The following CLDN12 variants were observed in gnomAD, a reference collection of about 807,000 sequenced individuals.
CLDN12 encodes the protein claudin 12.
CLDN12 carries 9 observed loss-of-function variants against 15.5 expected under a neutral mutation model. The observed-to-expected ratio is 0.58, with a 90% CI of 0.35 to 1.02. The LOEUF (loss-of-function observed/expected upper bound fraction) is 1.02, where lower values mean the gene tolerates loss of function less well. Ranked by LOEUF, CLDN12 falls within the 50% of genes least tolerant of loss-of-function variation. CLDN12 has a pLI of 0.02. For synonymous variants in CLDN12, 140 were observed against 121.6 expected, an observed-to-expected ratio of 1.15 and a Z score of -1.00; for missense variants, 233 against 297.3, an observed-to-expected ratio of 0.78 and a Z score of 1.59.
rs148668482 is a variant in CLDN12 at position 90,413,270 on chromosome 7, A to T, written c.594A>T (p.Thr198=). ...TTATACTATTTATTTGGTATTGTACATGCAAATCTTTGCCTTCTCCTTTCT... is the reference window on the plus strand; with the variant it reads ...TTATACTATTTATTTGGTATTGTACTTGCAAATCTTTGCCTTCTCCTTTCT... ...TSLILFIWYC[T]CKSLPSPFWQ... Residue 198 remains threonine, a synonymous_variant, in exon 4 of 4, where the codon ACA becomes ACT. Coordinates refer to ENST00000496677, the MANE Select transcript of CLDN12 (RefSeq NM_001185072.3). 1.7e-5 allele frequency: 28 copies of T among 1,614,026 alleles called. No individual in the cohort carries two copies. The African/African-American group carries it at 1.9e-4, about 11-fold the overall frequency.
rs1403567804 is a variant in CLDN12, at chr7:90,415,147, A to G, written c.*1736A>G. On this transcript the variant is annotated 3_prime_UTR_variant, in exon 4 of 4. Transcript: ENST00000496677. ...GTTTATATATATAGCGAATAAATCT[A>G]GTTGTATAAATTTTTAAATGCCGTC... The G allele has an allele frequency of 6.0e-6, 1 of 165,606 alleles. No homozygotes were observed. Among genetic ancestry groups the G allele is most frequent in the Non-Finnish European group, 1.5e-5 (1 of 68,084 alleles). 10.3% of individuals were successfully genotyped at this position (165,606 alleles called of 1,614,324 possible).
chr7:90,412,784 A>G lies in CLDN12; in HGVS notation c.108A>G (p.Leu36=), dbSNP rs1796992608. 6.2e-7 allele frequency: 1 copy of G among 1,614,186 alleles called. No homozygotes were observed. Among genetic ancestry groups the G allele is most frequent in the Non-Finnish European group, 8.5e-7 (1 of 1,180,036 alleles). ...AGTLLPNWRK[L]RLITFNRNEK... ...CTCTGCTTCCCAACTGGAGAAAATT[A>G]CGATTGATCACATTCAACAGAAACG... is the stretch of plus-strand genomic sequence containing the variant. Residue 36 remains leucine, a synonymous_variant, in exon 4 of 4, where the codon TTA becomes TTG. Coordinates refer to ENST00000496677, the MANE Select transcript of CLDN12 (RefSeq NM_001185072.3).
Position 90,403,482 on chromosome 7 carries a change from C to G in CLDN12, c.-234C>G, listed in dbSNP as rs1385384287. On this transcript the variant is annotated 5_prime_UTR_variant, in exon 1 of 4. Transcript: ENST00000496677. ...CGCTGGGAACGCACTTCCTGGGACGCTGAGAGGGAGACGCTCCAAGAGGCT... is the reference window on the plus strand; with the variant it reads ...CGCTGGGAACGCACTTCCTGGGACGGTGAGAGGGAGACGCTCCAAGAGGCT... The G allele has an allele frequency of 6.6e-6, 1 of 152,146 alleles. No individual in the cohort carries two copies. Among genetic ancestry groups the G allele is most frequent in the African/African-American group, 2.4e-5 (1 of 41,412 alleles). The allele number at this position is 152,146 out of a possible 1,614,324, so 9.4% of individuals were successfully genotyped here. A position where few individuals can be genotyped will look rare whatever the true frequency, so the allele number is the denominator to read the frequency against.
intron 1 of CLDN12, among the ~76,000 whole-genome samples, chr7:90,404,081 G>C (rs1170350168): frequency 6.6e-6 from 1 of 151,978 alleles, no homozygotes; most frequent in Non-Finnish European, 1.5e-5. Context: ...TGGAAGCTTG[G>C]TTTGCTTTCC....
Position 90,415,388 on chromosome 7 carries a change from C to G in CLDN12, c.*1977C>G, listed in dbSNP as rs1437404656. 1 of 166,902 alleles carries G rather than the reference C, an allele frequency of 6.0e-6. No homozygotes were observed. Among genetic ancestry groups the G allele is most frequent in the Non-Finnish European group, 1.5e-5 (1 of 68,100 alleles). The allele number at this position is 166,902 out of a possible 1,614,324, so 10.3% of individuals were successfully genotyped here. A position where few individuals can be genotyped will look rare whatever the true frequency, so the allele number is the denominator to read the frequency against. On this transcript the variant is annotated 3_prime_UTR_variant, in exon 4 of 4. Transcript: ENST00000496677. ...AGAAGGATCAAGAATTCTACCATCCCTTGGGTCTTTGTGTATAAACAATGT... is the reference window on the plus strand; with the variant it reads ...AGAAGGATCAAGAATTCTACCATCCGTTGGGTCTTTGTGTATAAACAATGT...
In CLDN12 at chr7:90,403,496, C is replaced by T. The variant is rs1168508452; in HGVS notation, c.-220C>T. The T allele has an allele frequency of 1.3e-5, 2 of 152,192 alleles. No homozygotes were observed. The highest frequency in any genetic ancestry group is 2.4e-5 in the African/African-American group (1 of 41,450). 9.4% of individuals were successfully genotyped at this position (152,192 alleles called of 1,614,324 possible). A position where few individuals can be genotyped will look rare whatever the true frequency, so the allele number is the denominator to read the frequency against. On this transcript the variant is annotated 5_prime_UTR_variant, in exon 1 of 4. Transcript: ENST00000496677. The stretch of plus-strand genomic sequence containing the variant: ...TTCCTGGGACGCTGAGAGGGAGACG[C>T]TCCAAGAGGCTCCTCAGTGTGGGCG...
chr7:90,410,387 A>G (rs994296655), intron 2 of CLDN12, among the ~76,000 whole-genome samples: 1 of 152,212 alleles, frequency 6.6e-6, no homozygotes, highest in Admixed American at 6.5e-5. Flanking sequence ...CTAATGGAAA[A>G]ACTTAGAACT....
At chr7:90,405,667 C>T (rs1299444977) in intron 2 of CLDN12, 59 bp downstream of exon 2, 1 of 152,184 alleles carries the variant, frequency 6.6e-6, no homozygotes, top group African/African-American at 2.4e-5. Flanking sequence ...CATCTGCCAA[C>T]AATGACTCTT....
At position 90,412,806 on chromosome 7, in the gene CLDN12, A is replaced by C; in HGVS notation, c.130A>C (p.Asn44His). The change falls in exon 4 of 4, where the codon AAC becomes CAC. Residue 44 changes from asparagine to histidine, a missense_variant. By Grantham distance (68) the Asn-to-His change is moderately conservative (BLOSUM62 1). Coordinates refer to ENST00000496677, the MANE Select transcript of CLDN12 (RefSeq NM_001185072.3). ...RKLRLITFNR[N>H]EKNLTVYTGL... is the part of the protein sequence containing the mutation. ...ATTACGATTGATCACATTCAACAGAAACGAGAAGAACCTGACTGTTTACAC... is the reference window on the plus strand; with the variant it reads ...ATTACGATTGATCACATTCAACAGACACGAGAAGAACCTGACTGTTTACAC... The C allele has an allele frequency of 6.2e-7, 1 of 1,614,242 alleles. No individual in the cohort carries two copies. Among genetic ancestry groups the C allele is most frequent in the South Asian group, 1.1e-5 (1 of 91,084 alleles).
At chr7:90,405,089 ATCTC>A (rs1562967356) in intron 1 of CLDN12, among the ~76,000 whole-genome samples, 1 of 151,836 alleles carries the variant, frequency 6.6e-6, no homozygotes, top group East Asian at 1.9e-4. Context: ...TTGAGCCAGA[ATCTC>A]TCTCTGTCAC....
At chr7:90,411,430 A>G (rs567467520) in intron 2 of CLDN12, among the ~76,000 whole-genome samples, 4 of 152,252 alleles carry the variant, frequency 2.6e-5, no homozygotes, top group Non-Finnish European at 5.9e-5. Context: ...CAAGCTTTTT[A>G]TAGTTTGCCA....
chr7:90,414,050 A>G lies in CLDN12; in HGVS notation c.*639A>G. 1 of 984,232 alleles carries G rather than the reference A, an allele frequency of 1.0e-6. No homozygotes were observed. The highest frequency in any genetic ancestry group is 5.3e-4 in the Middle Eastern group (1 of 1,890). The allele number at this position is 984,232 out of a possible 1,614,324, so 61.0% of individuals were successfully genotyped here. A position where few individuals can be genotyped will look rare whatever the true frequency, so the allele number is the denominator to read the frequency against. Reference sequence around the variant, plus strand: ...TAAATATCACCTACTTATGAATAACATGTAATAATTTTTAACATTAATGAT... The same window carrying G: ...TAAATATCACCTACTTATGAATAACGTGTAATAATTTTTAACATTAATGAT... On this transcript the variant is annotated 3_prime_UTR_variant, in exon 4 of 4. Coordinates refer to ENST00000496677, the MANE Select transcript of CLDN12 (RefSeq NM_001185072.3).
chr7:90,413,081 G>A lies in CLDN12; in HGVS notation c.405G>A (p.Val135=). ...CLVNSAGCHL[V]AGLLFFLAGT... Reference sequence around the variant, plus strand: ...TCAATAGTGCAGGTTGCCACCTGGTGGCTGGGCTGCTATTTTTCCTGGCAG... The same window carrying A: ...TCAATAGTGCAGGTTGCCACCTGGTAGCTGGGCTGCTATTTTTCCTGGCAG... Residue 135 remains valine (V), a synonymous_variant, in exon 4 of 4, where the codon GTG becomes GTA. Coordinates refer to ENST00000496677, the MANE Select transcript of CLDN12 (RefSeq NM_001185072.3). The A allele has an allele frequency of 1.2e-6, 2 of 1,614,208 alleles. No individual in the cohort carries two copies. The highest frequency in any genetic ancestry group is 1.7e-6 in the Non-Finnish European group (2 of 1,180,042).
chr7:90,414,267 G>A lies in CLDN12; in HGVS notation c.*856G>A, dbSNP rs974400768. The A allele has an allele frequency of 1.0e-6, 1 of 1,000,064 alleles. No individual in the cohort carries two copies. The highest frequency in any genetic ancestry group is 1.2e-6 in the Non-Finnish European group (1 of 829,994). 61.9% of individuals were successfully genotyped at this position (1,000,064 alleles called of 1,614,324 possible). ...TCTCTTTCAGACATAATTTAGTAGG[G>A]GACAAGAAGTCTGTTCTTCAGTGAG... is the stretch of plus-strand genomic sequence containing the variant. On this transcript the variant is annotated 3_prime_UTR_variant, in exon 4 of 4. Coordinates refer to ENST00000496677, the MANE Select transcript of CLDN12 (RefSeq NM_001185072.3).
chr7:90,408,300 C>T (rs761510615), intron 2 of CLDN12, among the ~76,000 whole-genome samples: 7 of 152,086 alleles, frequency 4.6e-5, no homozygotes, highest in African/African-American at 7.2e-5. Context: ...CCCAAGAGTT[C>T]AAGACCAGCC....
chr7:90,406,305 C>T (rs560607760), intron 2 of CLDN12, among the ~76,000 whole-genome samples: 6 of 152,064 alleles, frequency 3.9e-5, no homozygotes, highest in East Asian at 1.9e-4. Flanking sequence ...TATTTTTATT[C>T]GTAATTATGT....
At position 90,414,125 on chromosome 7, in the gene CLDN12, G is replaced by A; in HGVS notation, c.*714G>A. On this transcript the variant is annotated 3_prime_UTR_variant, in exon 4 of 4. Transcript: ENST00000496677. ...AGAATGTGCTTTATGACAGGTTAGT[G>A]TTTCCTCTGAGGCAGAAAACTCTTT... is the stretch of plus-strand genomic sequence containing the variant. 1 of 1,000,160 alleles carries A rather than the reference G, an allele frequency of 1.0e-6. No individual in the cohort carries two copies. Among genetic ancestry groups the A allele is most frequent in the African/African-American group, 1.7e-5 (1 of 57,356 alleles). 62.0% of individuals were successfully genotyped at this position (1,000,160 alleles called of 1,614,324 possible).
chr7:90,412,428 A>C (rs1046606528), intron 3 of CLDN12: 1 of 452,732 alleles, frequency 2.2e-6, no homozygotes, highest in African/African-American at 2.0e-5. Context: ...TCTATGACCC[A>C]GTCAGTAATA....
At chr7:90,412,571 G>C in intron 3 of CLDN12, 73 bp from the exon 4 acceptor site, 1 of 1,243,500 alleles carries the variant, frequency 8.0e-7, no homozygotes, top group Non-Finnish European at 1.1e-6. Flanking sequence ...TGTGTTGCCA[G>C]TTGGCACCAC....
Sources: gnomAD v4.1 joint callset for allele counts (sites outside exome capture counted in the v4.1 genomes callset) on GRCh38, gnomAD v4.1.1 for gene constraint, MANE v1.5 for transcripts, NCBI Gene and HGNC (gene_info 2026-07-23, HGNC 2026-07-21) for gene names.